The following WWOX variants were observed in gnomAD, a reference collection of about 807,000 sequenced individuals.
WWOX encodes the protein WW domain-containing oxidoreductase.
Under a neutral mutation model 46.2 loss-of-function variants are expected in WWOX, and 69 were observed. That is an observed-to-expected ratio of 1.49 (90% CI 1.23 to 1.82). The LOEUF is 1.82. Among genes scored for constraint, WWOX ranks in the 40% most tolerant of loss-of-function variants. WWOX has a pLI of 0.00. For missense variants in WWOX, 919 were observed against 542.6 expected (o/e 1.69, Z -6.89); for synonymous variants, 359 against 202.6 (o/e 1.77, Z -6.56).
intron 5 of WWOX, among the ~76,000 whole-genome samples, chr16:78,194,511 C>T (rs918847798): frequency 6.8e-6 from 1 of 147,436 alleles, no homozygotes; most frequent in Non-Finnish European, 1.5e-5. Flanking sequence ...TTGCTTGAGC[C>T]TGGGAGGCAG....
At chr16:78,766,762 T>C (rs1195543757) in intron 8 of WWOX, among the ~76,000 whole-genome samples, 1 of 152,254 alleles carries the variant, frequency 6.6e-6, no homozygotes, top group Non-Finnish European at 1.5e-5. Flanking sequence ...TGTTCAGGTT[T>C]TGTGACCTTT....
intron 8 of WWOX, among the ~76,000 whole-genome samples, chr16:78,596,711 T>C (rs2045499987): frequency 6.6e-6 from 1 of 152,180 alleles, no homozygotes; most frequent in African/African-American, 2.4e-5. Context: ...AAGCCGGGCC[T>C]AGTAGAAAGT....
At chr16:78,822,726 C>G (rs2051537925) in intron 8 of WWOX, among the ~76,000 whole-genome samples, 1 of 152,102 alleles carries the variant, frequency 6.6e-6, no homozygotes. Context: ...GTTGAATAAA[C>G]AGACGCTTAG....
At chr16:79,058,037 A>G (rs985696163) in intron 8 of WWOX, among the ~76,000 whole-genome samples, 4 of 151,274 alleles carry the variant, frequency 2.6e-5, no homozygotes, top group African/African-American at 7.3e-5. Context: ...CATAAAGGTG[A>G]TTTTGAAAAC....
intron 8 of WWOX, among the ~76,000 whole-genome samples, chr16:78,907,865 C>T (rs2045006692): frequency 6.6e-6 from 1 of 152,114 alleles, no homozygotes; most frequent in Admixed American, 6.5e-5. Context: ...GCAGCAAGTT[C>T]CAAAGCCCGT....
chr16:78,742,138 T>A (rs1477228375), intron 8 of WWOX, among the ~76,000 whole-genome samples: 1 of 152,230 alleles, frequency 6.6e-6, no homozygotes, highest in Non-Finnish European at 1.5e-5. Context: ...AAATGTCTTT[T>A]CCTTGCAATG....
chr16:78,469,924 C>T (rs942641258), intron 8 of WWOX, among the ~76,000 whole-genome samples: 48 of 152,216 alleles, frequency 3.2e-4, no homozygotes, highest in African/African-American at 1.1e-3. Context: ...CTGAAATTCT[C>T]AGGGATTCTA....
At chr16:78,336,794 G>A (rs1460689476) in intron 5 of WWOX, among the ~76,000 whole-genome samples, 1 of 151,986 alleles carries the variant, frequency 6.6e-6, no homozygotes, top group Admixed American at 6.6e-5. Flanking sequence ...ATATTCCTAG[G>A]TTTTTGTTTG....
intron 8 of WWOX, among the ~76,000 whole-genome samples, chr16:79,139,987 C>T (rs1193239400): frequency 1.3e-5 from 2 of 152,196 alleles, no homozygotes; most frequent in Non-Finnish European, 2.9e-5. Flanking sequence ...CAAACTCTGG[C>T]AGCCGACCAC....
chr16:78,576,905 C>T (rs532160644), intron 8 of WWOX, among the ~76,000 whole-genome samples: 15 of 152,296 alleles, frequency 9.8e-5, no homozygotes, highest in African/African-American at 3.6e-4. Context: ...CTTTGCCATC[C>T]CCACACTACC....
intron 8 of WWOX, among the ~76,000 whole-genome samples, chr16:78,618,601 G>A (rs1438799315): frequency 6.6e-6 from 1 of 152,128 alleles, no homozygotes; most frequent in East Asian, 1.9e-4. Flanking sequence ...AGGTACTGGG[G>A]GTTTGGGCTT....
intron 8 of WWOX, among the ~76,000 whole-genome samples, chr16:78,484,342 C>G (rs1203387892): frequency 6.6e-6 from 1 of 151,316 alleles, no homozygotes; most frequent in South Asian, 2.1e-4. Flanking sequence ...ATTTTTTTTT[C>G]CAAGTATACC....
intron 8 of WWOX, among the ~76,000 whole-genome samples, chr16:79,154,617 A>T (rs550156136): frequency 6.6e-6 from 1 of 152,324 alleles, no homozygotes; most frequent in Non-Finnish European, 1.5e-5. Flanking sequence ...AAAAACTAAA[A>T]AGTTTGCAAC....
chr16:78,937,221 C>G (rs751041020), intron 8 of WWOX, among the ~76,000 whole-genome samples: 8 of 152,080 alleles, frequency 5.3e-5, no homozygotes, highest in Non-Finnish European at 8.8e-5. Context: ...AGAAAACTTT[C>G]AACTTTTAAT....
At chr16:78,967,369 A>G (rs2046381610) in intron 8 of WWOX, among the ~76,000 whole-genome samples, 1 of 128,498 alleles carries the variant, frequency 7.8e-6, no homozygotes, top group South Asian at 2.6e-4. Context: ...GGCTCACTGC[A>G]GCCTCCCGGG....
intron 8 of WWOX, among the ~76,000 whole-genome samples, chr16:79,086,138 C>T (rs1015729346): frequency 1.3e-5 from 2 of 152,010 alleles, no homozygotes; most frequent in Admixed American, 6.6e-5. Context: ...TGGCTGCTCT[C>T]AATGTTCTTT....
chr16:78,775,787 G>A (rs2050175593), intron 8 of WWOX, among the ~76,000 whole-genome samples: 1 of 152,210 alleles, frequency 6.6e-6, no homozygotes, highest in African/African-American at 2.4e-5. Flanking sequence ...AGCCAATGGA[G>A]CAGTGGCTTT....
intron 8 of WWOX, among the ~76,000 whole-genome samples, chr16:78,667,125 T>C (rs2047349344): frequency 6.6e-6 from 1 of 152,134 alleles, no homozygotes; most frequent in African/African-American, 2.4e-5. Context: ...AAATAGTACT[T>C]TTCACTCTCC....
intron 8 of WWOX, among the ~76,000 whole-genome samples, chr16:78,601,760 T>C (rs925808273): frequency 2.0e-5 from 3 of 152,300 alleles, no homozygotes; most frequent in African/African-American, 7.2e-5. Flanking sequence ...GAGACAGTAA[T>C]GGTATTGTTA....
Sources: gnomAD v4.1 joint callset for allele counts (sites outside exome capture counted in the v4.1 genomes callset) on GRCh38, gnomAD v4.1.1 for gene constraint, MANE v1.5 for transcripts, NCBI Gene and HGNC (gene_info 2026-07-23, HGNC 2026-07-21) for gene names.